Variants in TRPV1 observed in about 807,000 individuals in gnomAD.
TRPV1 encodes the protein transient receptor potential cation channel subfamily V member 1.
A neutral mutation model predicts 82.3 loss-of-function variants in TRPV1; 82 were observed. That is an observed-to-expected ratio of 1.00 (90% CI 0.83 to 1.20). TRPV1 has a LOEUF of 1.20. Among genes scored for constraint, TRPV1 ranks in the 50% most tolerant of loss-of-function variants. The pLI, the probability that TRPV1 is intolerant of heterozygous loss-of-function variation, is 0.00. For synonymous variants in TRPV1, 515 were observed against 467.7 expected (o/e 1.10, Z -1.30); for missense variants, 1,067 against 1,096.8 (o/e 0.97, Z 0.38).
At chr17:3,585,576 T>C (rs2075073539) in intron 9 of TRPV1, 192 bp downstream of exon 9, 2 of 664,126 alleles carry the variant, frequency 3.0e-6, no homozygotes, top group Non-Finnish European at 5.0e-6. Flanking sequence ...GCGGGTCTCC[T>C]GTACAGCCTG....
intron 14 of TRPV1, 49 bp from the exon 15 acceptor site, chr17:3,572,298 C>G (rs1252537944): frequency 6.4e-7 from 1 of 1,555,212 alleles, no homozygotes; most frequent in East Asian, 2.4e-5. Context: ...GAGGGTGCAT[C>G]CCGGGGCCAC....
intron 5 of TRPV1, among the ~76,000 whole-genome samples, chr17:3,590,757 A>T (rs1443347823): frequency 2.0e-5 from 3 of 152,046 alleles, no homozygotes; most frequent in African/African-American, 7.2e-5. Context: ...GAGACATCAG[A>T]TCGGGGAGGC....
At position 3,593,130 on chromosome 17, in the gene TRPV1, GTGTGTGTC is replaced by G. The variant is rs369588400; in HGVS notation, c.-33-755_-33-748del. Among the ~76,000 whole-genome samples, 170 of 30,496 alleles carry G rather than the reference GTGTGTGTC, an allele frequency of 5.6e-3. 1 individual carries two copies. The highest frequency in any genetic ancestry group is 0.02 in the African/African-American group (157 of 7,682). The allele number at this position is 30,496 out of a possible 152,430, so 20.0% of individuals were successfully genotyped here. A position where few individuals can be genotyped will look rare whatever the true frequency, so the allele number is the denominator to read the frequency against. The stretch of plus-strand genomic sequence containing the variant: ...TGTGTGTGTGTGTGTGTGTGTGTGT[GTGTGTGTC>G]TGTGTGTCTCACTCTGTCGCCCAGA... On this transcript the variant is annotated intron_variant, in intron 2 of 16. Coordinates refer to ENST00000572705, the MANE Select transcript of TRPV1 (RefSeq NM_080704.4).
At chr17:3,594,476 G>T (rs1025710770) in intron 2 of TRPV1, among the ~76,000 whole-genome samples, 32 of 152,240 alleles carry the variant, frequency 2.1e-4, no homozygotes, top group Non-Finnish European at 1.6e-4. Flanking sequence ...GCTACGTTCT[G>T]AATCTCAGAT....
chr17:3,578,723 A>G (rs777952354), intron 11 of TRPV1: 3 of 152,076 alleles, frequency 2.0e-5, no homozygotes, highest in Non-Finnish European at 2.9e-5. Flanking sequence ...AGATGCCTGC[A>G]CTCCTGTGTT....
Position 3,572,947 on chromosome 17 carries a change from C to T in TRPV1, c.2103+686G>A, listed in dbSNP as rs374194593. On this transcript the variant is annotated intron_variant, in intron 14 of 16. Transcript: ENST00000572705. ...GCAGTCAGCCAAGATCATGCCAATG[C>T]ACTCCAGCCTGGGTGACAGAGTAAG... 1.1e-4 allele frequency among the ~76,000 whole-genome samples: 14 copies of T among 123,534 alleles called. No homozygotes were observed. The South Asian group carries it at 3.9e-3, about 34-fold the overall frequency. 81.0% of individuals were successfully genotyped at this position (123,534 alleles called of 152,430 possible). A position where few individuals can be genotyped will look rare whatever the true frequency, so the allele number is the denominator to read the frequency against.
chr17:3,604,086 C>T lies in TRPV1; in HGVS notation c.-34+4341G>A, dbSNP rs150005590. On this transcript the variant is annotated intron_variant, in intron 2 of 16. Coordinates refer to ENST00000572705, the MANE Select transcript of TRPV1 (RefSeq NM_080704.4). ...CAACAAATGTTGAGCCGGGTCTTGGCCTCCCCTGCAGTTGTAATCAGATGG... is the reference window on the plus strand; with the variant it reads ...CAACAAATGTTGAGCCGGGTCTTGGTCTCCCCTGCAGTTGTAATCAGATGG... Among the ~76,000 whole-genome samples the T allele has an allele frequency of 3.9e-4, 60 of 152,352 alleles. No individual in the cohort carries two copies. The East Asian group carries it at 8.9e-3, about 23-fold the overall frequency.
intron 2 of TRPV1, among the ~76,000 whole-genome samples, chr17:3,598,386 A>G (rs2075237068): frequency 6.6e-6 from 1 of 152,132 alleles, no homozygotes; most frequent in Non-Finnish European, 1.5e-5. Flanking sequence ...GCCGTACAGC[A>G]ACCCCGGGCA....
chr17:3,596,014 T>A (rs1441391594), intron 2 of TRPV1, among the ~76,000 whole-genome samples: 2 of 152,166 alleles, frequency 1.3e-5, no homozygotes, highest in African/African-American at 2.4e-5. Context: ...CATTCTACAG[T>A]GATCAGGGGA....
In TRPV1 at chr17:3,585,819, C is replaced by T; in HGVS notation, c.1332G>A (p.Leu444=). 6.2e-7 allele frequency: 1 copy of T among 1,613,828 alleles called. No homozygotes were observed. The highest frequency in any genetic ancestry group is 8.5e-7 in the Non-Finnish European group (1 of 1,179,846). Residue 444 remains leucine, a synonymous_variant, in exon 9 of 17, where the codon CTG becomes CTA. Transcript: ENST00000572705. ...IFYFNFLVYC[L]YMIIFTMAAY... ...CAGCCATGGTGAAGATGATCATGTA[C>T]AGGCAGTAGACCAGGAAGTTGAAGT... is the stretch of plus-strand genomic sequence containing the variant.
At chr17:3,580,031 C>CAGTATATAGCACTG (rs2074985871) in intron 11 of TRPV1, among the ~76,000 whole-genome samples, 2 of 151,222 alleles carry the variant, frequency 1.3e-5, no homozygotes, top group Admixed American at 1.3e-4. Flanking sequence ...AGCCCCCGCC[C>CAGTATATAGCACTG]CGCCCCGCCC....
In TRPV1 at chr17:3,573,656, T is replaced by C. The variant is rs2074890328; in HGVS notation, c.2080A>G (p.Ser694Gly). ...GETVNKIAQE[S>G]KNIWKLQRAI... Reference sequence around the variant, plus strand: ...ACCTGCAGCTTCCAGATGTTCTTGCTCTCCTGTGCGATCTTGTTGACAGTC... The same window carrying C: ...ACCTGCAGCTTCCAGATGTTCTTGCCCTCCTGTGCGATCTTGTTGACAGTC... The change falls in exon 14 of 17, where the codon AGC becomes GGC. Residue 694 changes from serine (S) to glycine (G), a missense_variant. Transcript: ENST00000572705. 1 of 1,613,502 alleles carries C rather than the reference T, an allele frequency of 6.2e-7. No homozygotes were observed. Among genetic ancestry groups the C allele is most frequent in the Non-Finnish European group, 8.5e-7 (1 of 1,179,864 alleles).
intron 2 of TRPV1, chr17:3,602,054 G>A (rs1364084539): frequency 6.6e-6 from 1 of 152,148 alleles, no homozygotes; most frequent in Admixed American, 6.5e-5. Flanking sequence ...CACTTTATAT[G>A]CACTATCTCA....
chr17:3,573,264 C>G (rs574759073), intron 14 of TRPV1, among the ~76,000 whole-genome samples: 1 of 152,286 alleles, frequency 6.6e-6, no homozygotes, highest in African/African-American at 2.4e-5. Context: ...GAGGTGGACA[C>G]CCTGTCGGGC....
At chr17:3,570,284 C>A (rs527379224) in intron 16 of TRPV1, among the ~76,000 whole-genome samples, 1 of 151,522 alleles carries the variant, frequency 6.6e-6, no homozygotes, top group African/African-American at 2.4e-5. Context: ...GCAGGAGAAT[C>A]GCTTGAACCC....
chr17:3,566,952 G>A lies in TRPV1; in HGVS notation c.2383C>T (p.Pro795Ser), dbSNP rs777775351. The change falls in exon 17 of 17, where the codon CCC becomes TCC. Residue 795 changes from proline (P) to serine (S), a missense_variant. By Grantham distance (74) the Pro-to-Ser change is moderately conservative (BLOSUM62 -1). Transcript: ENST00000572705. ...CGAGCACTTGCCTCTCTTAAAAGGG[G>A]GACCAGGGCAAAGTTCTTCCAGTGT... ...GRHWKNFALV[P>S]LLREASARDR... The A allele has an allele frequency of 1.9e-6, 3 of 1,613,782 alleles. No homozygotes were observed. The highest frequency in any genetic ancestry group is 2.2e-5 in the South Asian group (2 of 91,080).
chr17:3,568,428 G>C (rs1190753740), intron 16 of TRPV1, among the ~76,000 whole-genome samples: 1 of 152,090 alleles, frequency 6.6e-6, no homozygotes, highest in East Asian at 1.9e-4. Flanking sequence ...CTGACAAAGA[G>C]ATCATCAATA....
intron 1 of TRPV1, 187 bp downstream of exon 1, chr17:3,609,122 G>T (rs2075319821): frequency 1.3e-5 from 2 of 152,212 alleles, no homozygotes; most frequent in Non-Finnish European, 2.9e-5. Flanking sequence ...CTGACCTCAG[G>T]TGATTCACCC....
At chr17:3,581,752 GCA>G (rs2075015435) in intron 10 of TRPV1, among the ~76,000 whole-genome samples, 1 of 145,212 alleles carries the variant, frequency 6.9e-6, no homozygotes, top group Non-Finnish European at 1.5e-5. Context: ...GGGCGCGGTG[GCA>G]CGCACCTGTA....
Sources: allele counts gnomAD v4.1 joint callset (sites outside exome capture counted in the v4.1 genomes callset), GRCh38; gene constraint gnomAD v4.1.1; transcripts MANE v1.5; gene names NCBI Gene and HGNC (gene_info 2026-07-23, HGNC 2026-07-21).